Variants in TMEM182 observed in about 807,000 individuals in gnomAD.
The protein encoded by TMEM182 is transmembrane protein 182.
Under a neutral mutation model 26.8 loss-of-function variants are expected in TMEM182, and 20 were observed. The observed-to-expected ratio is 0.75, with a 90% CI of 0.53 to 1.09. The LOEUF (loss-of-function observed/expected upper bound fraction) is 1.09, where lower values mean the gene tolerates loss of function less well. Among genes scored for constraint, TMEM182 ranks in the 50% least tolerant of loss-of-function variants. The pLI, the probability that TMEM182 is intolerant of heterozygous loss-of-function variation, is 0.00. For missense variants in TMEM182, 277 were observed against 275.5 expected (o/e 1.01, Z -0.04); for synonymous variants, 109 against 102.2 (o/e 1.07, Z -0.40).
intron 1 of TMEM182, among the ~76,000 whole-genome samples, chr2:102,747,787 G>C (rs1317774687): frequency 1.3e-5 from 2 of 152,192 alleles, no homozygotes; most frequent in Non-Finnish European, 2.9e-5. Flanking sequence ...TTAAATATCT[G>C]ACACTGCTAT....
chr2:102,794,551 C>CT (rs1681787966), intron 3 of TMEM182, among the ~76,000 whole-genome samples: 1 of 152,182 alleles, frequency 6.6e-6, no homozygotes, highest in African/African-American at 2.4e-5. Context: ...ACCCTTCTTT[C>CT]TATATTTTCA....
At chr2:102,838,531 G>A (rs764299384) in intron 3 of TMEM182, among the ~76,000 whole-genome samples, 4 of 152,190 alleles carry the variant, frequency 2.6e-5, no homozygotes, top group Non-Finnish European at 4.4e-5. Context: ...GCCTCCATCT[G>A]TCCTCTCTGC....
At chr2:102,765,786 C>T (rs185450346) in intron 3 of TMEM182, among the ~76,000 whole-genome samples, 145 of 152,250 alleles carry the variant, frequency 9.5e-4, no homozygotes, top group South Asian at 2.5e-3. Context: ...TCCTTGGGTT[C>T]GAAGGACTGG....
intron 3 of TMEM182, among the ~76,000 whole-genome samples, chr2:102,772,196 A>C (rs1442503241): frequency 6.6e-6 from 1 of 152,100 alleles, no homozygotes; most frequent in Non-Finnish European, 1.5e-5. Flanking sequence ...TCTGCCTGAA[A>C]CTTTGGACCT....
chr2:102,791,660 C>A lies in TMEM182; in HGVS notation c.332-6203C>A, dbSNP rs1375602458. 2.0e-5 allele frequency among the ~76,000 whole-genome samples: 3 copies of A among 152,142 alleles called. No homozygotes were observed. The East Asian group carries it at 5.8e-4, about 29-fold the overall frequency. On this transcript the variant is annotated intron_variant, in intron 3 of 4. Transcript: ENST00000412401. ...CTTTCACAGATTCACATGTGCTTTC[C>A]TTTAATTATCCACATTGTGATTGTA...
At chr2:102,786,604 A>T (rs1382369703) in intron 3 of TMEM182, among the ~76,000 whole-genome samples, 2 of 152,060 alleles carry the variant, frequency 1.3e-5, no homozygotes, top group Non-Finnish European at 2.9e-5. Flanking sequence ...TTTCATAGGG[A>T]TTTACATGAT....
At chr2:102,737,192 A>G (rs1352551141) in intron 1 of TMEM182, among the ~76,000 whole-genome samples, 1 of 152,220 alleles carries the variant, frequency 6.6e-6, no homozygotes, top group Non-Finnish European at 1.5e-5. Flanking sequence ...CCTGGCCACC[A>G]GTTGGTTGTG....
chr2:102,753,677 T>TC (rs1266894260), intron 1 of TMEM182, among the ~76,000 whole-genome samples: 2 of 152,192 alleles, frequency 1.3e-5, no homozygotes, highest in Non-Finnish European at 2.9e-5. Context: ...AGCCAGTTCT[T>TC]CATTTTTGAT....
chr2:102,766,031 T>C (rs1680419187), intron 3 of TMEM182, among the ~76,000 whole-genome samples: 1 of 152,184 alleles, frequency 6.6e-6, no homozygotes, highest in African/African-American at 2.4e-5. Context: ...CATTCTTACT[T>C]TTATAAAATG....
chr2:102,841,592 T>C (rs1232090092), intron 3 of TMEM182, among the ~76,000 whole-genome samples: 1 of 152,254 alleles, frequency 6.6e-6, no homozygotes, highest in Non-Finnish European at 1.5e-5. Context: ...AGTCCAATGC[T>C]GTGAGCATGC....
chr2:102,805,199 G>A lies in TMEM182; in HGVS notation c.469+7199G>A, dbSNP rs192764944. Among the ~76,000 whole-genome samples, 76 of 152,134 alleles carry A rather than the reference G, an allele frequency of 5.0e-4. 1 individual carries two copies. The highest frequency in any genetic ancestry group is 1.1e-3 in the African/African-American group (47 of 41,492). On this transcript the variant is annotated intron_variant, in intron 4 of 4. Transcript: ENST00000412401. ...TCTTCCTTGCAAGCTTATTTTCCCCGCATTGCTCTTCAGTGGAAATGTGTC... is the reference window on the plus strand; with the variant it reads ...TCTTCCTTGCAAGCTTATTTTCCCCACATTGCTCTTCAGTGGAAATGTGTC...
intron 3 of TMEM182, among the ~76,000 whole-genome samples, chr2:102,772,448 G>A (rs1680718419): frequency 6.6e-6 from 1 of 152,106 alleles, no homozygotes; most frequent in African/African-American, 2.4e-5. Flanking sequence ...TGACCAGGGA[G>A]GCCTCATGAA....
At chr2:102,818,965 G>A (rs1297621811), downstream of TMEM182, among the ~76,000 whole-genome samples, 1 of 152,106 alleles carries the variant, frequency 6.6e-6, no homozygotes, top group African/African-American at 2.4e-5. Context: ...TGAAATAATT[G>A]GCATCCTGCA....
At chr2:102,839,597 T>G (rs1186801073) in intron 3 of TMEM182, among the ~76,000 whole-genome samples, 3 of 151,968 alleles carry the variant, frequency 2.0e-5, no homozygotes, top group Non-Finnish European at 4.4e-5. Flanking sequence ...AAAATTGGTC[T>G]TTTTTGTTTG....
intron 3 of TMEM182, among the ~76,000 whole-genome samples, chr2:102,789,289 A>G (rs1681534479): frequency 6.6e-6 from 1 of 152,240 alleles, no homozygotes; most frequent in African/African-American, 2.4e-5. Flanking sequence ...TTAAGCTGCA[A>G]ATAAAATATT....
intron 3 of TMEM182, among the ~76,000 whole-genome samples, chr2:102,789,190 A>T (rs1214740484): frequency 6.6e-6 from 1 of 152,220 alleles, no homozygotes; most frequent in Non-Finnish European, 1.5e-5. Flanking sequence ...GGATGTGTCG[A>T]AACACAGGAT....
intron 3 of TMEM182, among the ~76,000 whole-genome samples, chr2:102,770,961 A>G (rs1680646119): frequency 6.6e-6 from 1 of 152,212 alleles, no homozygotes; most frequent in Non-Finnish European, 1.5e-5. Flanking sequence ...AGGCACATCA[A>G]CCTGTTGTAG....
chr2:102,762,143 T>G lies in TMEM182; in HGVS notation c.-75T>G. 1 of 1,176,964 alleles carries G rather than the reference T, an allele frequency of 8.5e-7. No individual in the cohort carries two copies. The highest frequency in any genetic ancestry group is 1.2e-6 in the Non-Finnish European group (1 of 837,044). 72.9% of individuals were successfully genotyped at this position (1,176,964 alleles called of 1,614,324 possible). A position where few individuals can be genotyped will look rare whatever the true frequency, so the allele number is the denominator to read the frequency against. On this transcript the variant is annotated 5_prime_UTR_variant, in exon 1 of 5. Coordinates refer to ENST00000412401, the MANE Select transcript of TMEM182 (RefSeq NM_144632.5). ...TATTCTTTTTTTTTTTTTTTTGCTG[T>G]TGTTTCTGAGAAACTAGGTGTCTTA...
chr2:102,781,914 T>C (rs1681182073), intron 3 of TMEM182, among the ~76,000 whole-genome samples: 1 of 152,160 alleles, frequency 6.6e-6, no homozygotes, highest in Non-Finnish European at 1.5e-5. Context: ...CCAGTGAAAT[T>C]ATCAACAATT....
Sources: allele counts gnomAD v4.1 joint callset (sites outside exome capture counted in the v4.1 genomes callset), GRCh38; gene constraint gnomAD v4.1.1; transcripts MANE v1.5; gene names NCBI Gene and HGNC (gene_info 2026-07-23, HGNC 2026-07-21).